TULP4: variants seen among roughly 807,000 people sequenced by gnomAD.
TULP4 encodes the protein TUB like protein 4.
Under a neutral mutation model 129.0 loss-of-function variants are expected in TULP4, and 16 were observed. The observed-to-expected ratio is 0.12, with a 90% CI of 0.08 to 0.19. The LOEUF (loss-of-function observed/expected upper bound fraction) is 0.19, where lower values mean the gene tolerates loss of function less well. Ranked by LOEUF, TULP4 falls within the 10% of genes least tolerant of loss-of-function variation. The probability of loss-of-function intolerance (pLI) is 1.00; values close to 1 mark genes in which losing one functional copy is unlikely to be tolerated. For synonymous variants in TULP4, 998 were observed against 854.0 expected (o/e 1.17, Z -2.94); for missense variants, 1,842 against 2,059.1 (o/e 0.89, Z 2.04).
chr6:158,479,565 C>T (rs1262343063), intron 6 of TULP4, among the ~76,000 whole-genome samples, 186 bp from the exon 7 acceptor site: 1 of 152,184 alleles, frequency 6.6e-6, no homozygotes, highest in Non-Finnish European at 1.5e-5. Context: ...GCCCAGCCCT[C>T]TAGCCAATTT....
chr6:158,324,837 G>A (rs1422443866), intron 1 of TULP4, among the ~76,000 whole-genome samples: 1 of 152,170 alleles, frequency 6.6e-6, no homozygotes, highest in East Asian at 1.9e-4. Context: ...ATTTGTGTCT[G>A]TGTGTTTTTC....
intron 1 of TULP4, among the ~76,000 whole-genome samples, chr6:158,361,972 T>C (rs577579191): frequency 6.6e-6 from 1 of 152,348 alleles, no homozygotes; most frequent in South Asian, 2.1e-4. Flanking sequence ...GCCTTATTCA[T>C]TTTGCCCCAA....
intron 1 of TULP4, among the ~76,000 whole-genome samples, chr6:158,239,697 T>G (rs1777816675): frequency 1.8e-5 from 1 of 55,826 alleles, no homozygotes; most frequent in Non-Finnish European, 3.9e-5. Flanking sequence ...GGCTCCTCAC[T>G]TCCCAGTAGG....
At chr6:158,500,071 AAC>A (rs1780409436) in intron 12 of TULP4, among the ~76,000 whole-genome samples, 1 of 152,190 alleles carries the variant, frequency 6.6e-6, no homozygotes, top group East Asian at 1.9e-4. Flanking sequence ...GTATCTTTTA[AAC>A]TTTCCCCTTA....
At chr6:158,281,325 TGCCTCG>T (rs1414990070), upstream of TULP4, among the ~76,000 whole-genome samples, 1 of 152,114 alleles carries the variant, frequency 6.6e-6, no homozygotes, top group African/African-American at 2.4e-5. Context: ...GCAATTCTCC[TGCCTCG>T]GCCTCCCGAG....
In TULP4 at chr6:158,503,041, C is replaced by T. The variant is rs1274642676; in HGVS notation, c.3378C>T (p.Pro1126=). 1.2e-6 allele frequency: 2 copies of T among 1,614,172 alleles called. No individual in the cohort carries two copies. The highest frequency in any genetic ancestry group is 2.2e-5 in the East Asian group (1 of 44,880). ...LKRPPPYQWD[P]MLGEDVWVPQ... ...GGCCACCCCCTTACCAGTGGGACCC[C>T]ATGCTGGGTGAGGATGTTTGGGTTC... is the stretch of plus-strand genomic sequence containing the variant. Residue 1126 remains proline, a synonymous_variant, in exon 13 of 14, where the codon CCC becomes CCT. Coordinates refer to ENST00000367097, the MANE Select transcript of TULP4 (RefSeq NM_020245.5). This position sits in a 1 kb window ranked among gnomAD's most constrained non-coding sequence, Gnocchi z 4.3.
intron 6 of TULP4, among the ~76,000 whole-genome samples, chr6:158,473,961 G>A (rs1230978859): frequency 1.3e-5 from 2 of 152,142 alleles, no homozygotes; most frequent in Non-Finnish European, 2.9e-5. Flanking sequence ...AGGACTACAG[G>A]TGTGCACCAC....
intron 11 of TULP4, among the ~76,000 whole-genome samples, chr6:158,498,352 C>T (rs778511739): frequency 2.6e-5 from 4 of 152,308 alleles, no homozygotes; most frequent in African/African-American, 4.8e-5. Flanking sequence ...TATACCCTAG[C>T]TTATTCCAAA....
chr6:158,382,108 G>A (rs963703109), intron 1 of TULP4, among the ~76,000 whole-genome samples: 28 of 152,242 alleles, frequency 1.8e-4, no homozygotes, highest in African/African-American at 6.7e-4. Context: ...TTGAGGTTTG[G>A]CATGATGGTC....
chr6:158,434,103 A>G (rs1778697210), intron 3 of TULP4, among the ~76,000 whole-genome samples: 1 of 152,088 alleles, frequency 6.6e-6, no homozygotes, highest in African/African-American at 2.4e-5. Context: ...CTCTTCCTGT[A>G]AGGACACCAG....
At chr6:158,353,000 T>G (rs1292895260) in intron 1 of TULP4, among the ~76,000 whole-genome samples, 1 of 152,218 alleles carries the variant, frequency 6.6e-6, no homozygotes, top group Non-Finnish European at 1.5e-5. Flanking sequence ...TTTACAATCA[T>G]TTTTTATTCG....
At chr6:158,461,151 C>T (rs1188622472) in intron 5 of TULP4, among the ~76,000 whole-genome samples, 4 of 152,206 alleles carry the variant, frequency 2.6e-5, no homozygotes, top group African/African-American at 9.7e-5. Context: ...GTGGCTCACG[C>T]CTGTAATCCC....
upstream of TULP4, among the ~76,000 whole-genome samples, chr6:158,310,722 A>G (rs1286885184): frequency 6.6e-6 from 1 of 152,124 alleles, no homozygotes; most frequent in Non-Finnish European, 1.5e-5. Flanking sequence ...CAAACATTCA[A>G]ACCATGTCAC....
intron 1 of TULP4, among the ~76,000 whole-genome samples, chr6:158,239,678 G>A (rs1166623298): frequency 6.0e-5 from 4 of 66,898 alleles, no homozygotes; most frequent in African/African-American, 1.5e-4. Context: ...GCGGCTGGCC[G>A]GGCAGAGGGG....
chr6:158,442,096 G>A (rs1186185075), intron 3 of TULP4, among the ~76,000 whole-genome samples: 1 of 151,870 alleles, frequency 6.6e-6, no homozygotes, highest in African/African-American at 2.4e-5. Flanking sequence ...ATTAAATTTT[G>A]TCCTTCCTGT....
chr6:158,468,411 C>T (rs1053208354), intron 6 of TULP4, among the ~76,000 whole-genome samples: 1 of 152,180 alleles, frequency 6.6e-6, no homozygotes. Flanking sequence ...ATTTCTATAA[C>T]TATCTCTAAT....
At chr6:158,275,407 G>A (rs1778627224) in intron 1 of TULP4, among the ~76,000 whole-genome samples, 1 of 152,156 alleles carries the variant, frequency 6.6e-6, no homozygotes, top group Non-Finnish European at 1.5e-5. Flanking sequence ...CCATATTCCT[G>A]CCTGTGAAAG....
At chr6:158,258,098 C>CTAT (rs1048894010) in intron 1 of TULP4, among the ~76,000 whole-genome samples, 4 of 152,200 alleles carry the variant, frequency 2.6e-5, no homozygotes, top group Admixed American at 2.6e-4. Context: ...GTAGAACCCT[C>CTAT]TATTAGTCAG....
At chr6:158,462,155 G>C (rs1378371421) in intron 6 of TULP4, among the ~76,000 whole-genome samples, 1 of 152,194 alleles carries the variant, frequency 6.6e-6, no homozygotes, top group African/African-American at 2.4e-5. Context: ...ATACGTGGGA[G>C]TTAACCCAAA....
Sources: allele counts gnomAD v4.1 joint callset (sites outside exome capture counted in the v4.1 genomes callset), GRCh38; gene constraint gnomAD v4.1.1; non-coding constraint Gnocchi (gnomAD v3.1); transcripts MANE v1.5; gene names NCBI Gene and HGNC (gene_info 2026-07-23, HGNC 2026-07-21).